The following ANO1 variants were observed in gnomAD, a reference collection of about 807,000 sequenced individuals.
ANO1 encodes anoctamin 1, also known as anoctamin-1.
Under a neutral mutation model 124.0 loss-of-function variants are expected in ANO1, and 59 were observed. The observed-to-expected ratio is 0.48, with a 90% CI of 0.39 to 0.59. The LOEUF is 0.59. ANO1 is among the 20% of genes least tolerant of loss of function. The pLI is 0.00. For missense variants in ANO1, 1,059 were observed against 1,328.0 expected (o/e 0.80, Z 3.15); for synonymous variants, 529 against 532.0 (o/e 0.99, Z 0.08).
intron 1 of ANO1, among the ~76,000 whole-genome samples, chr11:70,050,544 C>T (rs1250936709): frequency 7.9e-5 from 12 of 152,130 alleles, no homozygotes; most frequent in Non-Finnish European, 1.5e-4. Context: ...AGCTTGGTCC[C>T]ACCTCCACCA....
intron 11 of ANO1, among the ~76,000 whole-genome samples, chr11:70,141,959 T>C (rs1163734238): frequency 3.3e-5 from 5 of 152,028 alleles, no homozygotes; most frequent in Admixed American, 1.3e-4. Flanking sequence ...GGTGGATGAA[T>C]CACCTCCAGC....
chr11:70,019,512 C>T lies in ANO1; in HGVS notation c.58+33346C>T, dbSNP rs929467770. On this transcript the variant is annotated intron_variant, in intron 1 of 27. Coordinates refer to the ANO1 transcript ENST00000531349. ...ACCTGCCCTCTGGGTGTGCAGGAGC[C>T]GGCTCACCCAATTCACACGGGCTCA... 3.3e-5 allele frequency among the ~76,000 whole-genome samples: 5 copies of T among 152,154 alleles called. No individual in the cohort carries two copies. In the South Asian group the frequency reaches 8.3e-4, roughly 25 times the overall value.
chr11:70,112,963 G>C lies in ANO1; in HGVS notation c.855+1201G>C, dbSNP rs544313999. ...GTATTCTCCAGACGGTTGACCCCAA[G>C]GGAAGGAGTCTAGGCAGATCTGCTG... On this transcript the variant is annotated intron_variant, in intron 7 of 25. Transcript: ENST00000355303. 3.9e-5 allele frequency among the ~76,000 whole-genome samples: 6 copies of C among 152,318 alleles called. No homozygotes were observed. The South Asian group carries it at 1.2e-3, about 32-fold the overall frequency.
chr11:70,059,032 A>C (rs577618379), intron 1 of ANO1, among the ~76,000 whole-genome samples: 42 of 151,912 alleles, frequency 2.8e-4, no homozygotes, highest in African/African-American at 9.7e-4. Flanking sequence ...AAAAAAAAAA[A>C]ACACAAAAAA....
In ANO1 at chr11:70,171,051, C is replaced by A; in HGVS notation, c.2350+12C>A. 6.2e-7 allele frequency: 1 copy of A among 1,609,374 alleles called. No homozygotes were observed. Among genetic ancestry groups the A allele is most frequent in the South Asian group, 1.1e-5 (1 of 90,256 alleles). On this transcript the variant is annotated intron_variant, in intron 22 of 25. Transcript: ENST00000355303. The stretch of plus-strand genomic sequence containing the variant: ...AGCCAAAGACATCGGTGAGTGACCC[C>A]ACGGGCCGGCAGAACCGGTTCCGAG...
chr11:70,005,686 T>C (rs1207359595), intron 1 of ANO1, among the ~76,000 whole-genome samples: 4 of 152,170 alleles, frequency 2.6e-5, no homozygotes, highest in African/African-American at 9.7e-5. Context: ...AGTTGACCAA[T>C]CCAATGAGTT....
intron 1 of ANO1, among the ~76,000 whole-genome samples, chr11:69,989,996 A>G (rs1410828642): frequency 1.3e-5 from 2 of 152,206 alleles, no homozygotes; most frequent in Non-Finnish European, 2.9e-5. Flanking sequence ...TATTATATAT[A>G]CCATAACATT....
At chr11:70,033,968 G>A (rs569511548) in intron 1 of ANO1, among the ~76,000 whole-genome samples, 75 of 152,054 alleles carry the variant, frequency 4.9e-4, no homozygotes, top group African/African-American at 1.7e-3. Context: ...AATGGCCTAT[G>A]GATGGGAGTT....
chr11:70,183,265 T>C (rs892661808), intron 24 of ANO1, among the ~76,000 whole-genome samples: 7 of 152,244 alleles, frequency 4.6e-5, no homozygotes, highest in African/African-American at 1.7e-4. Flanking sequence ...TTTGATTTCC[T>C]CTGTGTTGCA....
chr11:70,035,284 G>A (rs1168016521), intron 1 of ANO1, among the ~76,000 whole-genome samples: 9 of 152,186 alleles, frequency 5.9e-5, no homozygotes, highest in Non-Finnish European at 1.3e-4. Context: ...TGGCCAGCTA[G>A]GAGTGTGTTG....
intron 1 of ANO1, among the ~76,000 whole-genome samples, chr11:70,006,659 CTTTCTT>C (rs1565158832): frequency 2.4e-4 from 18 of 74,280 alleles, no homozygotes; most frequent in African/African-American, 9.1e-4. Flanking sequence ...TTTCTTTCTT[CTTTCTT>C]TTTTTTTTTT....
the ANO1 span, among the ~76,000 whole-genome samples, chr11:69,969,617 G>A: frequency 2.0e-5 from 3 of 152,280 alleles, no homozygotes; most frequent in Non-Finnish European, 2.9e-5. Context: ...CTGCCGGGTC[G>A]CAGGGTAAAG....
chr11:70,013,173 CAGTGCAAAAGTCCTGAGGCAGGA>C (rs1434179627), intron 1 of ANO1, among the ~76,000 whole-genome samples: 3 of 152,172 alleles, frequency 2.0e-5, no homozygotes, highest in African/African-American at 7.2e-5. Flanking sequence ...GAGAGGCCAG[CAGTGCAAAAGTCCTGAGGCAGGA>C]AGTGCCTGGC....
chr11:69,982,255 G>A (rs377399391), upstream of ANO1, among the ~76,000 whole-genome samples: 9 of 152,196 alleles, frequency 5.9e-5, no homozygotes, highest in South Asian at 6.2e-4. Flanking sequence ...AGGGGCCCCC[G>A]TTACTCGCCA....
chr11:70,085,284 C>A, intron 1 of ANO1: 1 of 1,157,120 alleles, frequency 8.6e-7, no homozygotes, highest in Non-Finnish European at 1.2e-6. Context: ...GCATGGGAAC[C>A]CACTGCCCTC....
upstream of ANO1, among the ~76,000 whole-genome samples, chr11:70,074,332 G>A (rs931018733): frequency 1.3e-5 from 2 of 152,174 alleles, no homozygotes; most frequent in South Asian, 4.1e-4. Flanking sequence ...CAGTGCACCC[G>A]GGCTGTGTGG....
At chr11:70,006,063 G>A (rs1856477243) in intron 1 of ANO1, among the ~76,000 whole-genome samples, 1 of 152,182 alleles carries the variant, frequency 6.6e-6, no homozygotes, top group East Asian at 1.9e-4. Flanking sequence ...ACGTTTGTGG[G>A]AAGAGACATC....
intron 1 of ANO1, among the ~76,000 whole-genome samples, chr11:70,068,122 G>A (rs946953986): frequency 1.3e-5 from 2 of 152,200 alleles, no homozygotes; most frequent in African/African-American, 4.8e-5. Context: ...GGGCTTTTGT[G>A]GTGGGTGGCA....
At chr11:70,154,019 G>A (rs1247726964) in intron 14 of ANO1, among the ~76,000 whole-genome samples, 2 of 152,066 alleles carry the variant, frequency 1.3e-5, no homozygotes, top group African/African-American at 4.8e-5. Flanking sequence ...ACCCGCCTTG[G>A]CCTCCCAAAG....
Sources: gnomAD v4.1 joint callset for allele counts (sites outside exome capture counted in the v4.1 genomes callset) on GRCh38, gnomAD v4.1.1 for gene constraint, MANE v1.5 for transcripts, NCBI Gene and HGNC (gene_info 2026-07-23, HGNC 2026-07-21) for gene names.